The following IGF1R variants were observed in gnomAD, a reference collection of about 807,000 sequenced individuals.
IGF1R encodes insulin-like growth factor 1 receptor.
IGF1R carries 44 observed loss-of-function variants against 144.6 expected under a neutral mutation model. The observed-to-expected ratio is 0.30, with a 90% CI of 0.24 to 0.39. IGF1R has a LOEUF of 0.39. Ranked by LOEUF, IGF1R falls within the 10% of genes least tolerant of loss-of-function variation. IGF1R has a pLI of 1.00. For missense variants in IGF1R, 1,355 were observed against 1,833.7 expected (o/e 0.74, Z 4.77); for synonymous variants, 795 against 722.8 (o/e 1.10, Z -1.60).
rs573072285 is a variant in IGF1R, at chr15:98,960,453, C to G, written c.*3011C>G. 1 of 225,558 alleles carries G rather than the reference C, an allele frequency of 4.4e-6. No homozygotes were observed. Among genetic ancestry groups the G allele is most frequent in the Non-Finnish European group, 8.8e-6 (1 of 113,792 alleles). 14.0% of individuals were successfully genotyped at this position (225,558 alleles called of 1,614,324 possible). The stretch of plus-strand genomic sequence containing the variant: ...GTCTTTGGAACAAACTGCTTCTGTG[C>G]AGATGGAATGACCAACACATTTCGT... On this transcript the variant is annotated 3_prime_UTR_variant, in exon 21 of 21. Coordinates refer to ENST00000650285, the MANE Select transcript of IGF1R (RefSeq NM_000875.5).
rs201728181 is a variant in IGF1R, at chr15:98,885,600, A to AC, written c.641-5724dup. On this transcript the variant is annotated intron_variant, in intron 2 of 20. Coordinates refer to ENST00000650285, the MANE Select transcript of IGF1R (RefSeq NM_000875.5). ...GAAAGCCTCCCTGCGTTTATATGGA[A>AC]CAGTGGTGTGTACCTTAGGGCAACC... 5.4e-3 allele frequency among the ~76,000 whole-genome samples: 823 copies of AC among 152,262 alleles called. 12 individuals carry two copies. Among genetic ancestry groups the AC allele is most frequent in the African/African-American group, 0.019 (785 of 41,540 alleles).
rs79572415 is a variant in IGF1R at position 98,705,377 on chromosome 15, G to T, written c.95-2185G>T. On this transcript the variant is annotated intron_variant, in intron 1 of 20. Coordinates refer to ENST00000650285, the MANE Select transcript of IGF1R (RefSeq NM_000875.5). ...AACCAGGAGGTGAGGGTGCTGAGAG[G>T]TGGGACTATTGACAAGCCTTGTGTC... 1.2e-4 allele frequency among the ~76,000 whole-genome samples: 18 copies of T among 152,242 alleles called. No individual in the cohort carries two copies. The East Asian group carries it at 3.5e-3, about 29-fold the overall frequency.
intron 2 of IGF1R, among the ~76,000 whole-genome samples, chr15:98,732,239 G>A (rs548880353): frequency 6.6e-6 from 1 of 152,304 alleles, no homozygotes; most frequent in South Asian, 2.1e-4. Context: ...GGGAAGACTT[G>A]CCTAGGAGCA....
intron 2 of IGF1R, among the ~76,000 whole-genome samples, chr15:98,881,613 G>A (rs532847319): frequency 1.0e-3 from 153 of 152,296 alleles, no homozygotes; most frequent in African/African-American, 3.3e-3. Flanking sequence ...GTGAGCCACT[G>A]TGCCTGGCCG....
chr15:98,881,116 C>G (rs572211916), intron 2 of IGF1R, among the ~76,000 whole-genome samples: 18 of 152,252 alleles, frequency 1.2e-4, no homozygotes, highest in South Asian at 1.0e-3. Context: ...TACGTGTTAT[C>G]TCCTTAGCAT....
chr15:98,914,522 T>G (rs1287024138), intron 8 of IGF1R, among the ~76,000 whole-genome samples: 2 of 152,202 alleles, frequency 1.3e-5, no homozygotes, highest in African/African-American at 2.4e-5. Context: ...AAGTGCTTAT[T>G]GAAACAAAAT....
At chr15:98,758,659 C>T (rs997953799) in intron 2 of IGF1R, among the ~76,000 whole-genome samples, 1 of 152,216 alleles carries the variant, frequency 6.6e-6, no homozygotes, top group Non-Finnish European at 1.5e-5. Flanking sequence ...GATGGACTCT[C>T]AGTTACAATG....
rs927243879 is a variant in IGF1R, at chr15:98,963,061, C to G, written c.*5619C>G. The G allele has an allele frequency of 8.6e-6, 2 of 233,376 alleles. No individual in the cohort carries two copies. The highest frequency in any genetic ancestry group is 4.4e-5 in the African/African-American group (2 of 45,288). The allele number at this position is 233,376 out of a possible 1,614,324, so 14.5% of individuals were successfully genotyped here. ...CAGTAGATTACGGGTAGTCAGTTGA[C>G]GAAGATCTGGTTTACAAGAACTAAT... On this transcript the variant is annotated 3_prime_UTR_variant, in exon 21 of 21. Coordinates refer to ENST00000650285, the MANE Select transcript of IGF1R (RefSeq NM_000875.5).
intron 1 of IGF1R, among the ~76,000 whole-genome samples, chr15:98,702,135 G>A (rs1471742776): frequency 1.4e-5 from 2 of 147,882 alleles, no homozygotes; most frequent in Non-Finnish European, 3.0e-5. Flanking sequence ...CACAGCTTTG[G>A]GGCGTTTTCT....
intron 2 of IGF1R, among the ~76,000 whole-genome samples, chr15:98,772,373 G>A (rs1050638468): frequency 2.0e-5 from 3 of 151,366 alleles, no homozygotes; most frequent in Non-Finnish European, 2.9e-5. Flanking sequence ...TAGTGTGGTC[G>A]GCTCTGTTCT....
rs149364471 is a variant in IGF1R, at chr15:98,689,067, T to G, written c.95-18495T>G. Among the ~76,000 whole-genome samples the G allele has an allele frequency of 4.8e-3, 731 of 152,252 alleles. 6 individuals carry two copies. The highest frequency in any genetic ancestry group is 0.017 in the African/African-American group (697 of 41,546). On this transcript the variant is annotated intron_variant, in intron 1 of 20. Transcript: ENST00000650285. ...TTAAATCACTCTGCAAAAATCAATG[T>G]TAGTGAAATTAAATCACTTGATCTT...
At chr15:98,652,849 A>G (rs1216962385) in intron 1 of IGF1R, among the ~76,000 whole-genome samples, 2 of 152,094 alleles carry the variant, frequency 1.3e-5, no homozygotes, top group African/African-American at 4.8e-5. Flanking sequence ...CGATGGCTGC[A>G]TAGCTCTAAA....
At chr15:98,790,793 A>G (rs1417302288) in intron 2 of IGF1R, among the ~76,000 whole-genome samples, 2 of 152,216 alleles carry the variant, frequency 1.3e-5, no homozygotes, top group Admixed American at 6.5e-5. Flanking sequence ...TTTTCTTTCC[A>G]TGTTGACTCA....
chr15:98,785,500 C>T (rs1235281719), intron 2 of IGF1R, among the ~76,000 whole-genome samples: 1 of 152,098 alleles, frequency 6.6e-6, no homozygotes, highest in East Asian at 1.9e-4. Flanking sequence ...GGAAGGGTAG[C>T]AAAATTTAGA....
At chr15:98,872,123 G>C (rs191605835) in intron 2 of IGF1R, among the ~76,000 whole-genome samples, 239 of 152,328 alleles carry the variant, frequency 1.6e-3, no homozygotes, top group African/African-American at 5.0e-3. Context: ...GATGTCTTGG[G>C]TAAACCCATG....
At chr15:98,684,377 TTTTG>T (rs1442115841) in intron 1 of IGF1R, among the ~76,000 whole-genome samples, 5 of 151,694 alleles carry the variant, frequency 3.3e-5, no homozygotes, top group Admixed American at 1.3e-4. Flanking sequence ...GTGGGGTTTT[TTTTG>T]TTTGTTTTAT....
At chr15:98,906,962 G>T (rs896813679) in intron 5 of IGF1R, among the ~76,000 whole-genome samples, 2 of 152,246 alleles carry the variant, frequency 1.3e-5, no homozygotes, top group Non-Finnish European at 2.9e-5. Context: ...TCAGGAAAGG[G>T]TTGGGCTTCA....
intron 2 of IGF1R, among the ~76,000 whole-genome samples, chr15:98,720,725 G>A (rs989872528): frequency 7.2e-5 from 11 of 152,236 alleles, no homozygotes; most frequent in Non-Finnish European, 1.5e-5. Context: ...GATCTTTGAA[G>A]TGACTTTCTC....
At chr15:98,732,461 G>A (rs1018412831) in intron 2 of IGF1R, among the ~76,000 whole-genome samples, 5 of 152,322 alleles carry the variant, frequency 3.3e-5, no homozygotes, top group African/African-American at 1.2e-4. Flanking sequence ...GCAGTGCCAC[G>A]AGCAGATCTG....
Sources: allele counts gnomAD v4.1 joint callset (sites outside exome capture counted in the v4.1 genomes callset), GRCh38; gene constraint gnomAD v4.1.1; transcripts MANE v1.5; gene names NCBI Gene and HGNC (gene_info 2026-07-23, HGNC 2026-07-21).